BACH1: variants seen among roughly 807,000 people sequenced by gnomAD.
BACH1 encodes the protein BTB domain and CNC homolog 1, also known as transcription regulator protein BACH1.
In BACH1, 35 loss-of-function variants were observed where a neutral mutation model predicts 52.9. The observed-to-expected ratio is 0.66, with a 90% CI of 0.51 to 0.88. The LOEUF is 0.88. Ranked by LOEUF, BACH1 falls within the 40% of genes least tolerant of loss-of-function variation. BACH1 has a pLI of 0.00. For missense variants in BACH1, 808 were observed against 872.6 expected (o/e 0.93, Z 0.93); for synonymous variants, 321 against 319.6 (o/e 1.00, Z -0.05).
rs201223760 is a variant in BACH1, at chr21:29,321,336, A to G, written c.56A>G (p.Asn19Ser). The G allele has an allele frequency of 2.1e-5, 34 of 1,614,112 alleles. No homozygotes were observed. The highest frequency in any genetic ancestry group is 1.6e-4 in the Middle Eastern group (1 of 6,084). ...FAYESSVHST[N>S]VLLSLNDQRK... ...TATGAATCTTCTGTGCATAGCACCA[A>G]TGTTTTACTCAGCCTTAATGACCAG... The change falls in exon 2 of 5, where the codon AAT becomes AGT. Residue 19 changes from asparagine (N) to serine (S), a missense_variant. Coordinates refer to ENST00000286800, the MANE Select transcript of BACH1 (RefSeq NM_001186.4).
downstream of BACH1, among the ~76,000 whole-genome samples, chr21:29,349,388 C>A (rs2089189723): frequency 6.6e-6 from 1 of 152,168 alleles, no homozygotes. Flanking sequence ...TCTGCTTTTC[C>A]CCTGGAAACT....
chr21:29,357,783 G>T (rs1313382745), intron 2 of BACH1, among the ~76,000 whole-genome samples: 1 of 152,226 alleles, frequency 6.6e-6, no homozygotes, highest in Non-Finnish European at 1.5e-5. Flanking sequence ...GTTTCATCCT[G>T]TGGGAAGGCT....
intron 2 of BACH1, among the ~76,000 whole-genome samples, chr21:29,354,197 T>G (rs1401534847): frequency 6.6e-6 from 1 of 152,176 alleles, no homozygotes; most frequent in Non-Finnish European, 1.5e-5. Flanking sequence ...TTGGTGTGGT[T>G]GCATGCCATG....
intron 4 of BACH1, among the ~76,000 whole-genome samples, chr21:29,341,189 G>A (rs549179137): frequency 6.6e-6 from 1 of 152,000 alleles, no homozygotes; most frequent in South Asian, 2.1e-4. Flanking sequence ...AGCAAAATTC[G>A]TTTTACCCTT....
chr21:29,333,892 G>A (rs2089013703), intron 4 of BACH1, among the ~76,000 whole-genome samples: 1 of 152,186 alleles, frequency 6.6e-6, no homozygotes, highest in Non-Finnish European at 1.5e-5. Context: ...TTCTCAACAA[G>A]AAGTTCTGTC....
chr21:29,334,433 TC>T (rs2089021508), intron 4 of BACH1, among the ~76,000 whole-genome samples: 2 of 152,312 alleles, frequency 1.3e-5, no homozygotes, highest in Admixed American at 6.5e-5. Context: ...GTCTTTGGAT[TC>T]AGCTTCTGTT....
At chr21:29,322,954 A>G (rs1239820472) in intron 2 of BACH1, among the ~76,000 whole-genome samples, 1 of 152,204 alleles carries the variant, frequency 6.6e-6, no homozygotes, top group East Asian at 1.9e-4. Flanking sequence ...AAGTAAAGCA[A>G]AGTTTGATTC....
rs753098656 is a variant in BACH1, at chr21:29,326,481, C to T, written c.657C>T (p.Ala219=). Residue 219 remains alanine (A), a synonymous_variant, in exon 3 of 5, where the codon GCC becomes GCT. Coordinates refer to ENST00000286800, the MANE Select transcript of BACH1 (RefSeq NM_001186.4). The stretch of plus-strand genomic sequence containing the variant: ...GCTTAGAGAAGGATGCTGCTCTGGC[C>T]TTGCCTTCTTTATGCCCCAAATACA... ...SMCLEKDAAL[A]LPSLCPKYRK... 1.9e-6 allele frequency: 3 copies of T among 1,614,100 alleles called. No homozygotes were observed. The East Asian group carries it at 6.7e-5, about 36-fold the overall frequency.
chr21:29,353,021 G>A (rs980027173), intron 2 of BACH1, among the ~76,000 whole-genome samples: 3 of 151,884 alleles, frequency 2.0e-5, no homozygotes, highest in African/African-American at 7.3e-5. Context: ...CCTAATTTTT[G>A]TATTTTTAGT....
chr21:29,301,414 G>C (rs2088602525), intron 1 of BACH1, among the ~76,000 whole-genome samples: 1 of 152,158 alleles, frequency 6.6e-6, no homozygotes, highest in Non-Finnish European at 1.5e-5. Flanking sequence ...TCAACAACCG[G>C]AATGCTTTTT....
intron 1 of BACH1, among the ~76,000 whole-genome samples, chr21:29,312,138 T>C (rs2088730958): frequency 6.6e-6 from 1 of 152,208 alleles, no homozygotes; most frequent in Non-Finnish European, 1.5e-5. Flanking sequence ...ATTTTAGGGG[T>C]ATCTGAGATG....
intron 1 of BACH1, among the ~76,000 whole-genome samples, chr21:29,300,549 C>G (rs1260935729): frequency 6.6e-6 from 1 of 152,180 alleles, no homozygotes; most frequent in Admixed American, 6.5e-5. Flanking sequence ...GCCTCGTGAC[C>G]TGCTGTCTGA....
At chr21:29,316,893 A>G (rs770113186) in intron 1 of BACH1, among the ~76,000 whole-genome samples, 1 of 152,206 alleles carries the variant, frequency 6.6e-6, no homozygotes, top group African/African-American at 2.4e-5. Flanking sequence ...GCTGTCCAAG[A>G]AATTTTCTCT....
At chr21:29,353,679 G>A (rs2089216633) in intron 2 of BACH1, among the ~76,000 whole-genome samples, 1 of 152,170 alleles carries the variant, frequency 6.6e-6, no homozygotes, top group African/African-American at 2.4e-5. Flanking sequence ...TGCTGGGACT[G>A]TAACCTTCTT....
At chr21:29,347,651 C>A (rs559497256), downstream of BACH1, among the ~76,000 whole-genome samples, 1 of 152,332 alleles carries the variant, frequency 6.6e-6, no homozygotes, top group South Asian at 2.1e-4. Flanking sequence ...ACCTTTGAGG[C>A]CACTTCCCAA....
chr21:29,351,722 A>AAC (rs755439359), intron 2 of BACH1: 18 of 534,628 alleles, frequency 3.4e-5, no homozygotes, highest in Non-Finnish European at 6.5e-5. Context: ...GTTTCAGCTA[A>AAC]ACAGTAACAT....
rs2088910050 is a variant in BACH1, at chr21:29,326,314, G to T, written c.490G>T (p.Asp164Tyr). 1 of 1,614,170 alleles carries T rather than the reference G, an allele frequency of 6.2e-7. No individual in the cohort carries two copies. Among genetic ancestry groups the T allele is most frequent in the Non-Finnish European group, 8.5e-7 (1 of 1,180,024 alleles). Residue 164 changes from aspartate to tyrosine, a missense_variant, in exon 3 of 5, where the codon GAT (aspartate) becomes TAT (tyrosine). By Grantham distance (160) the Asp-to-Tyr change is radical. Coordinates refer to ENST00000286800, the MANE Select transcript of BACH1 (RefSeq NM_001186.4). The part of the protein sequence containing the change: ...DLKLSLLDQR[D>Y]LETDEVEEFL... ...TAAACTTTCACTTTTGGACCAGAGG[G>T]ATCTAGAAACTGATGAAGTGGAGGA...
chr21:29,302,955 C>T (rs1331787858), intron 1 of BACH1, among the ~76,000 whole-genome samples: 2 of 152,224 alleles, frequency 1.3e-5, no homozygotes, highest in Admixed American at 6.5e-5. Context: ...TTAATTGAAA[C>T]TGGCTTTTAC....
chr21:29,303,626 C>G (rs535932057), intron 1 of BACH1, among the ~76,000 whole-genome samples: 2 of 152,278 alleles, frequency 1.3e-5, no homozygotes, highest in East Asian at 3.9e-4. Flanking sequence ...TTAAGTAATT[C>G]TAGTTCATCT....
Sources: gnomAD v4.1 joint callset for allele counts (sites outside exome capture counted in the v4.1 genomes callset) on GRCh38, gnomAD v4.1.1 for gene constraint, MANE v1.5 for transcripts, NCBI Gene and HGNC (gene_info 2026-07-23, HGNC 2026-07-21) for gene names.